SLCO2B1: variants seen among roughly 807,000 people sequenced by gnomAD.
The protein encoded by SLCO2B1 is OATP-RP2.
A neutral mutation model predicts 67.3 loss-of-function variants in SLCO2B1; 41 were observed. That is an observed-to-expected ratio of 0.61 (90% CI 0.47 to 0.79). The LOEUF is 0.79. Ranked by LOEUF, SLCO2B1 falls within the 30% of genes least tolerant of loss-of-function variation. The pLI is 0.00. For missense variants in SLCO2B1, 837 were observed against 920.1 expected (o/e 0.91, Z 1.17); for synonymous variants, 379 against 381.4 (o/e 0.99, Z 0.07).
At chr11:75,164,640 C>T (rs147086986) in intron 3 of SLCO2B1, among the ~76,000 whole-genome samples, 217 of 152,198 alleles carry the variant, frequency 1.4e-3, no homozygotes, top group African/African-American at 5.0e-3. Flanking sequence ...AGCTGTGCCC[C>T]AGTCCTTCAG....
In SLCO2B1 at chr11:75,172,581, C is replaced by T; in HGVS notation, c.972+12C>T. ...CACCTGCCAGGAAGGTAAGCTCCCT[C>T]CATGTCACCTGACTGGGTCCAGGCT... On this transcript the variant is annotated intron_variant, in intron 7 of 13. Transcript: ENST00000289575. 1 of 1,609,768 alleles carries T rather than the reference C, an allele frequency of 6.2e-7. No individual in the cohort carries two copies. Among genetic ancestry groups the T allele is most frequent in the Non-Finnish European group, 8.5e-7 (1 of 1,176,776 alleles).
chr11:75,183,986 C>T (rs992695312), intron 7 of SLCO2B1, among the ~76,000 whole-genome samples: 5 of 152,158 alleles, frequency 3.3e-5, no homozygotes, highest in Admixed American at 3.3e-4. Context: ...CTCATGTGTG[C>T]GTAGCTACCA....
chr11:75,151,772 C>T, intron 1 of SLCO2B1: 1 of 261,742 alleles, frequency 3.8e-6, no homozygotes, highest in Non-Finnish European at 7.3e-6. Flanking sequence ...TCAGACAGTG[C>T]AGACAGGCAG....
At chr11:75,159,763 T>C (rs1307213000) in intron 1 of SLCO2B1, 1 of 814,200 alleles carries the variant, frequency 1.2e-6, no homozygotes, top group Non-Finnish European at 1.5e-6. Flanking sequence ...GCACAGGCTG[T>C]GGACTTTGCC....
At chr11:75,187,709 C>T (rs1476752177) in intron 7 of SLCO2B1, among the ~76,000 whole-genome samples, 1 of 152,040 alleles carries the variant, frequency 6.6e-6, no homozygotes, top group African/African-American at 2.4e-5. Context: ...ACAACAATAA[C>T]AATCATCACA....
In SLCO2B1 at chr11:75,193,614, G is replaced by A. The variant is rs1245449119; in HGVS notation, c.1433+39G>A. 2 of 1,497,924 alleles carry A rather than the reference G, an allele frequency of 1.3e-6. No individual in the cohort carries two copies. Among genetic ancestry groups the A allele is most frequent in the Non-Finnish European group, 1.8e-6 (2 of 1,122,114 alleles). The allele number at this position is 1,497,924 out of a possible 1,614,324, so 92.8% of individuals were successfully genotyped here. A position where few individuals can be genotyped will look rare whatever the true frequency, so the allele number is the denominator to read the frequency against. ...TGGGCACGTAAAGGCAAGCCTGGGA[G>A]GACAGGACAGGGAGGACAGGGGCCC... On this transcript the variant is annotated intron_variant, in intron 9 of 13. Transcript: ENST00000289575. This position sits in a 1 kb window ranked among gnomAD's most constrained non-coding sequence, Gnocchi z 4.2.
chr11:75,190,185 A>G (rs1283276608), intron 8 of SLCO2B1, among the ~76,000 whole-genome samples: 1 of 152,108 alleles, frequency 6.6e-6, no homozygotes, highest in Non-Finnish European at 1.5e-5. Context: ...TTCTGCCCGG[A>G]GGGAAGCTTC....
intron 7 of SLCO2B1, among the ~76,000 whole-genome samples, chr11:75,187,227 T>A (rs1048504752): frequency 1.3e-5 from 2 of 152,180 alleles, no homozygotes; most frequent in South Asian, 4.2e-4. Flanking sequence ...CCGTTATTTA[T>A]CATTATTTCC....
At chr11:75,155,077 G>C (rs1378854169) in intron 1 of SLCO2B1, among the ~76,000 whole-genome samples, 1 of 152,092 alleles carries the variant, frequency 6.6e-6, no homozygotes, top group Admixed American at 6.5e-5. Flanking sequence ...CTCAGCTCAG[G>C]GTCCCTGACT....
chr11:75,188,843 A>G (rs1944977026), intron 8 of SLCO2B1, among the ~76,000 whole-genome samples: 2 of 152,172 alleles, frequency 1.3e-5, no homozygotes, highest in South Asian at 2.1e-4. Context: ...CAGAACCCTC[A>G]GGGCTTCTAG....
chr11:75,172,340 T>C, intron 6 of SLCO2B1, 39 bp from the exon 7 acceptor site: 2 of 1,565,000 alleles, frequency 1.3e-6, no homozygotes, highest in Non-Finnish European at 1.7e-6. Context: ...TGACAGCCTA[T>C]CATCCTGACC....
chr11:75,172,599 TC>T, intron 7 of SLCO2B1, 30 bp downstream of exon 7: 1 of 1,581,204 alleles, frequency 6.3e-7, no homozygotes, highest in Non-Finnish European at 8.7e-7. Context: ...CCTGACTGGG[TC>T]CAGGCTCCAG....
rs3781724 is a variant in SLCO2B1 at position 75,196,820 on chromosome 11, A to G, written c.1599+141A>G. On this transcript the variant is annotated intron_variant, in intron 10 of 13. Transcript: ENST00000289575. ...TGTCTCTCTCTGTTGGCAGATGTAG[A>G]ACATTATTCTCACAATAAGCTTTCA... 8.3e-3 allele frequency: 6,721 copies of G among 811,812 alleles called. 296 individuals carry two copies. The East Asian group carries it at 0.11, about 13-fold the overall frequency. 50.3% of individuals were successfully genotyped at this position (811,812 alleles called of 1,614,324 possible).
rs111442424 is a variant in SLCO2B1, at chr11:75,177,175, T to TACACAC, written c.972+4625_972+4630dup. Among the ~76,000 whole-genome samples the TACACAC allele has an allele frequency of 2.7e-4, 41 of 149,662 alleles. No individual in the cohort carries two copies. The Middle Eastern group carries it at 0.01, about 38-fold the overall frequency. On this transcript the variant is annotated intron_variant, in intron 7 of 13. Coordinates refer to ENST00000289575, the MANE Select transcript of SLCO2B1 (RefSeq NM_007256.5). ...CAGGGCTAAGGGCCTTCCACCCCTC[T>TACACAC]ACACACACACACACACACACACACT...
chr11:75,190,775 G>A lies in SLCO2B1; in HGVS notation c.1076-2443G>A, dbSNP rs542202969. On this transcript the variant is annotated intron_variant, in intron 8 of 13. Transcript: ENST00000289575. ...CTGTTCTATTTGACAGAGGATACCT[G>A]GCCTCTAGCTGGGTGAGGCTCCTGG... 1.4e-4 allele frequency among the ~76,000 whole-genome samples: 22 copies of A among 152,224 alleles called. No homozygotes were observed. In the South Asian group the frequency reaches 4.1e-3, roughly 29 times the overall value.
At position 75,165,934 on chromosome 11, in the gene SLCO2B1, GACA is replaced by G. The variant is rs1435105316; in HGVS notation, c.437_439del (p.Asn146del). 11 of 1,613,846 alleles carry G rather than the reference GACA, an allele frequency of 6.8e-6. No homozygotes were observed. The highest frequency in any genetic ancestry group is 8.5e-6 in the Non-Finnish European group (10 of 1,179,924). On this transcript the variant is annotated inframe_deletion, in exon 4 of 14. Coordinates refer to ENST00000289575, the MANE Select transcript of SLCO2B1 (RefSeq NM_007256.5). Reference sequence around the variant, plus strand: ...CTTCATCTCGGAGCCATACCGCTACGACAACACCAGCCCTGGTAAGAGCAGCAG... The same window carrying G: ...CTTCATCTCGGAGCCATACCGCTACGACACCAGCCCTGGTAAGAGCAGCAG...
At chr11:75,196,708 GC>G in intron 10 of SLCO2B1, 29 bp downstream of exon 10, 1 of 1,603,870 alleles carries the variant, frequency 6.2e-7, no homozygotes, top group Non-Finnish European at 8.5e-7. Flanking sequence ...GGCAACCTCT[GC>G]CCCTCAGGAC....
intron 1 of SLCO2B1, among the ~76,000 whole-genome samples, chr11:75,162,302 C>T (rs369544626): frequency 6.6e-6 from 1 of 152,288 alleles, no homozygotes; most frequent in East Asian, 1.9e-4. Context: ...AGAGTCTTCA[C>T]GGCTTACCCT....
At chr11:75,174,003 T>C (rs577677433) in intron 7 of SLCO2B1, among the ~76,000 whole-genome samples, 189 of 152,102 alleles carry the variant, frequency 1.2e-3, no homozygotes, top group African/African-American at 4.4e-3. Context: ...CGTTTCACCA[T>C]GTTGGCCAGG....
Sources: allele counts gnomAD v4.1 joint callset (sites outside exome capture counted in the v4.1 genomes callset), GRCh38; gene constraint gnomAD v4.1.1; non-coding constraint Gnocchi (gnomAD v3.1); transcripts MANE v1.5; gene names NCBI Gene and HGNC (gene_info 2026-07-23, HGNC 2026-07-21).